The following GLIS3 variants were observed in gnomAD, a reference collection of about 807,000 sequenced individuals.
GLIS3 encodes GLIS family zinc finger 3.
Under a neutral mutation model 78.6 loss-of-function variants are expected in GLIS3, and 53 were observed. The observed-to-expected ratio is 0.67, with a 90% CI of 0.54 to 0.85. The LOEUF (loss-of-function observed/expected upper bound fraction) is 0.85. GLIS3 is among the 40% of genes least tolerant of loss of function. The probability of loss-of-function intolerance (pLI) is 0.00; values close to 1 mark genes in which losing one functional copy is unlikely to be tolerated. For missense variants in GLIS3, 1,703 were observed against 1,231.1 expected (o/e 1.38, Z -5.74); for synonymous variants, 684 against 509.9 (o/e 1.34, Z -4.60).
At chr9:3,895,290 T>C (rs1822749019) in intron 7 of GLIS3, among the ~76,000 whole-genome samples, 1 of 152,204 alleles carries the variant, frequency 6.6e-6, no homozygotes, top group African/African-American at 2.4e-5. Context: ...TTTACAGGCC[T>C]GGCCTGGGGC....
rs563197743 is a variant in GLIS3 at position 3,904,282 on chromosome 9, G to C, written c.1984-5447C>G. ...AGATTATCCCCTACAATCTGGGCAA[G>C]ACTCATCCAATCAGTGAAAAGCCTG... On this transcript the variant is annotated intron_variant, in intron 6 of 10. Transcript: ENST00000381971. 6.3e-4 allele frequency among the ~76,000 whole-genome samples: 96 copies of C among 152,296 alleles called. 2 individuals carry two copies. The highest frequency in any genetic ancestry group is 1.8e-4 in the Non-Finnish European group (12 of 68,026).
the GLIS3 span, among the ~76,000 whole-genome samples, chr9:4,419,596 A>G: frequency 2.0e-5 from 3 of 152,056 alleles, no homozygotes; most frequent in Non-Finnish European, 4.4e-5. Context: ...TCAAGCCAAT[A>G]TTGTGAAACC....
At chr9:4,159,753 G>C (rs1470357835) in intron 2 of GLIS3, among the ~76,000 whole-genome samples, 1 of 151,822 alleles carries the variant, frequency 6.6e-6, no homozygotes, top group Non-Finnish European at 1.5e-5. Flanking sequence ...GAAAAGAAAA[G>C]AGATAATAAA....
intron 4 of GLIS3, among the ~76,000 whole-genome samples, chr9:4,029,650 C>T (rs973084584): frequency 6.6e-6 from 1 of 151,350 alleles, no homozygotes; most frequent in Non-Finnish European, 1.5e-5. Context: ...TTCTCCATTT[C>T]CATGGGCTCA....
the GLIS3 span, among the ~76,000 whole-genome samples, chr9:4,470,373 A>G: frequency 0.55 from 84,085 of 152,028 alleles, 24,488 homozygotes; most frequent in Middle Eastern, 0.66. Flanking sequence ...CTGGCAAACC[A>G]AATCCAGCAG....
At chr9:4,398,045 G>C in the GLIS3 span, among the ~76,000 whole-genome samples, 161 of 152,086 alleles carry the variant, frequency 1.1e-3, 2 homozygotes, top group African/African-American at 3.7e-3. Context: ...AAGACCTTGA[G>C]TCAATCGGCC....
At chr9:4,440,662 A>G in the GLIS3 span, among the ~76,000 whole-genome samples, 1 of 152,184 alleles carries the variant, frequency 6.6e-6, no homozygotes, top group African/African-American at 2.4e-5. Flanking sequence ...CTGTGGTTCC[A>G]TTCAAATTTT....
At chr9:4,197,641 C>T (rs1294921892) in intron 2 of GLIS3, among the ~76,000 whole-genome samples, 2 of 152,210 alleles carry the variant, frequency 1.3e-5, no homozygotes, top group Non-Finnish European at 2.9e-5. Context: ...CCCTGCCCAT[C>T]TTGCCACCCA....
intron 2 of GLIS3, among the ~76,000 whole-genome samples, chr9:4,318,758 G>A (rs749836003): frequency 5.3e-5 from 8 of 152,156 alleles, no homozygotes; most frequent in Non-Finnish European, 8.8e-5. Context: ...AACAGATGAA[G>A]ATGACAGTCT....
At chr9:4,350,473 C>T (rs1361046975), upstream of GLIS3, among the ~76,000 whole-genome samples, 2 of 152,192 alleles carry the variant, frequency 1.3e-5, no homozygotes, top group Non-Finnish European at 2.9e-5. Flanking sequence ...ACTGCATTTT[C>T]ACTATTCACC....
At chr9:4,410,860 T>TTA in the GLIS3 span, among the ~76,000 whole-genome samples, 17 of 152,350 alleles carry the variant, frequency 1.1e-4, no homozygotes, top group African/African-American at 4.1e-4. Context: ...AAGTTCTCTT[T>TTA]TAGTTTTAGC....
chr9:4,350,392 T>G (rs1201297521), upstream of GLIS3, among the ~76,000 whole-genome samples: 1 of 152,172 alleles, frequency 6.6e-6, no homozygotes, highest in African/African-American at 2.4e-5. Context: ...AATTTATATT[T>G]TTTCCTCCCA....
intron 4 of GLIS3, among the ~76,000 whole-genome samples, chr9:4,058,249 G>C (rs1229907311): frequency 6.7e-6 from 1 of 148,556 alleles, no homozygotes; most frequent in African/African-American, 2.5e-5. Flanking sequence ...GTTTTTTTTT[G>C]GCTTTGCTTT....
intron 4 of GLIS3, among the ~76,000 whole-genome samples, chr9:3,978,167 G>A (rs780899705): frequency 1.3e-5 from 2 of 152,114 alleles, no homozygotes; most frequent in African/African-American, 2.4e-5. Flanking sequence ...ACAGGAAAGC[G>A]GATGGTAATC....
chr9:4,407,511 G>T, the GLIS3 span, among the ~76,000 whole-genome samples: 28 of 152,326 alleles, frequency 1.8e-4, no homozygotes, highest in African/African-American at 6.5e-4. Context: ...GCCGGGCGTG[G>T]TGGCGGGCGC....
chr9:3,838,308 T>C (rs1818484556), intron 9 of GLIS3, among the ~76,000 whole-genome samples: 1 of 150,806 alleles, frequency 6.6e-6, no homozygotes. Context: ...TGAGGTGATA[T>C]CTTTCTTATT....
chr9:4,454,051 C>G, the GLIS3 span, among the ~76,000 whole-genome samples: 3 of 148,448 alleles, frequency 2.0e-5, no homozygotes, highest in East Asian at 6.0e-4. Context: ...TTTACTTTTT[C>G]TTTTAAAAAT....
chr9:4,046,855 T>C (rs1825292709), intron 4 of GLIS3, among the ~76,000 whole-genome samples: 1 of 152,160 alleles, frequency 6.6e-6, no homozygotes, highest in Non-Finnish European at 1.5e-5. Context: ...AGAGAGGCAA[T>C]ACTTCATCTA....
chr9:3,913,289 T>G (rs941242341), intron 6 of GLIS3, among the ~76,000 whole-genome samples: 53 of 152,358 alleles, frequency 3.5e-4, no homozygotes, highest in Middle Eastern at 3.4e-3. Context: ...AGTTGAAGAC[T>G]GTCGTTTCAA....
Sources: gnomAD v4.1 joint callset for allele counts (sites outside exome capture counted in the v4.1 genomes callset) on GRCh38, gnomAD v4.1.1 for gene constraint, MANE v1.5 for transcripts, NCBI Gene and HGNC (gene_info 2026-07-23, HGNC 2026-07-21) for gene names.